FAM149A: variants seen among roughly 807,000 people sequenced by gnomAD.
FAM149A encodes the protein family with sequence similarity 149 member A.
Under a neutral mutation model 78.2 loss-of-function variants are expected in FAM149A, and 71 were observed. The observed-to-expected ratio is 0.91, with a 90% CI of 0.75 to 1.11. FAM149A has a LOEUF of 1.11. FAM149A is among the 50% of genes least tolerant of loss of function. The pLI, the probability that FAM149A is intolerant of heterozygous loss-of-function variation, is 0.00. For synonymous variants in FAM149A, 446 were observed against 410.5 expected, an observed-to-expected ratio of 1.09 and a Z score of -1.04; for missense variants, 1,036 against 971.0, an observed-to-expected ratio of 1.07 and a Z score of -0.89.
Position 186,164,692 on chromosome 4 carries a change from C to T in FAM149A, c.1890-652C>T, listed in dbSNP as rs1734884134. Among the ~76,000 whole-genome samples the T allele has an allele frequency of 6.6e-6, 1 of 152,156 alleles. No individual in the cohort carries two copies. Among genetic ancestry groups the T allele is most frequent in the African/African-American group, 2.4e-5 (1 of 41,432 alleles). ...ACATGGCAGGCTTTCTCCTCCTGCCCCAGCCTACCTGGGCCCCCTGTCACA... is the reference window on the plus strand; with the variant it reads ...ACATGGCAGGCTTTCTCCTCCTGCCTCAGCCTACCTGGGCCCCCTGTCACA... On this transcript the variant is annotated intron_variant, in intron 10 of 13. Coordinates refer to ENST00000389354, the MANE Select transcript of FAM149A (RefSeq NM_001367768.3). This position sits in a 1 kb window ranked among gnomAD's most constrained non-coding sequence, Gnocchi z 4.0.
At chr4:186,107,284 C>G (rs1360409296) in intron 1 of FAM149A, among the ~76,000 whole-genome samples, 3 of 152,168 alleles carry the variant, frequency 2.0e-5, no homozygotes, top group African/African-American at 7.2e-5. Flanking sequence ...AACATATTAG[C>G]TCATGTTTAT....
intron 1 of FAM149A, among the ~76,000 whole-genome samples, chr4:186,118,709 T>G (rs1199873486): frequency 6.6e-6 from 1 of 152,178 alleles, no homozygotes; most frequent in African/African-American, 2.4e-5. Context: ...ATTCAGATAG[T>G]ATCCTCTGAT....
intron 1 of FAM149A, chr4:186,146,441 C>T (rs1733046314): frequency 1.0e-6 from 1 of 985,144 alleles, no homozygotes. Flanking sequence ...GAAGCCTGGT[C>T]CTGGAAAGGA....
chr4:186,107,223 C>T (rs961540517), intron 1 of FAM149A, among the ~76,000 whole-genome samples: 2 of 152,182 alleles, frequency 1.3e-5, no homozygotes, highest in African/African-American at 4.8e-5. Context: ...AACAAATAGG[C>T]ACTGAAATAT....
At position 186,125,422 on chromosome 4, in the gene FAM149A, A is replaced by G. The variant is rs990635536; in HGVS notation, c.566+19780A>G. ...AGCAGCCCTAGGCAGCCCCACAAAC[A>G]CAGTAATGACGCTGCCTCTCGGGAG... On this transcript the variant is annotated intron_variant, in intron 1 of 13. Coordinates refer to ENST00000389354, the MANE Select transcript of FAM149A (RefSeq NM_001367768.3). 4.7e-5 allele frequency: 37 copies of G among 789,612 alleles called. No individual in the cohort carries two copies. The African/African-American group carries it at 6.7e-4, about 14-fold the overall frequency. The allele number at this position is 789,612 out of a possible 1,614,324, so 48.9% of individuals were successfully genotyped here.
chr4:186,150,874 G>C (rs1188530435), intron 3 of FAM149A: 2 of 165,242 alleles, frequency 1.2e-5, no homozygotes, highest in Non-Finnish European at 2.5e-5. Flanking sequence ...AGTGTGCACC[G>C]CCATGCCCAG....
chr4:186,116,588 T>C, intron 1 of FAM149A: 3 of 922,214 alleles, frequency 3.3e-6, no homozygotes, highest in Non-Finnish European at 3.7e-6. Context: ...TTTGTTGTTA[T>C]ATTTAAATTT....
At chr4:186,108,602 G>A (rs993762404) in intron 1 of FAM149A, among the ~76,000 whole-genome samples, 1 of 152,060 alleles carries the variant, frequency 6.6e-6, no homozygotes, top group Non-Finnish European at 1.5e-5. Flanking sequence ...TTGCTCCACA[G>A]GGCGTACTGA....
chr4:186,106,702 C>G (rs946354226), intron 1 of FAM149A, among the ~76,000 whole-genome samples: 2 of 152,304 alleles, frequency 1.3e-5, no homozygotes, highest in South Asian at 4.1e-4. Context: ...AATCCCAGCA[C>G]TTTGGGAGGC....
At chr4:186,152,502 G>A (rs1435082209) in intron 4 of FAM149A, among the ~76,000 whole-genome samples, 1 of 149,536 alleles carries the variant, frequency 6.7e-6, no homozygotes, top group Non-Finnish European at 1.5e-5. Flanking sequence ...TGGAGAATAT[G>A]GATTGGGTAT....
chr4:186,155,071 T>C, intron 6 of FAM149A: 1 of 324,234 alleles, frequency 3.1e-6, no homozygotes, highest in Non-Finnish European at 4.4e-6. Context: ...CACGCCATTC[T>C]CCTCCCTCAG....
In FAM149A at chr4:186,167,504, C is replaced by A. The variant is rs112605731; in HGVS notation, c.2218+242C>A. 3.3e-3 allele frequency: 1,334 copies of A among 401,318 alleles called. 21 individuals are homozygous for A. In the African/African-American group the frequency reaches 0.041, roughly 12 times the overall value. The allele number at this position is 401,318 out of a possible 1,614,324, so 24.9% of individuals were successfully genotyped here. On this transcript the variant is annotated intron_variant, in intron 13 of 13. Coordinates refer to ENST00000389354, the MANE Select transcript of FAM149A (RefSeq NM_001367768.3). ...CCAAAAGCTCTCAATGAACTGGGGG[C>A]CTCACTCAAAAAAAAAAAAAAAAAA...
At chr4:186,166,309 A>G (rs1456857395) in intron 11 of FAM149A, among the ~76,000 whole-genome samples, 3 of 152,216 alleles carry the variant, frequency 2.0e-5, no homozygotes, top group Non-Finnish European at 4.4e-5. Flanking sequence ...CCATTCCCAG[A>G]AGGCAAGAGT....
intron 13 of FAM149A, chr4:186,169,352 G>A: frequency 1.0e-6 from 1 of 985,416 alleles, no homozygotes. Context: ...GCGGCTCAAA[G>A]GCGTGACCTG....
intron 1 of FAM149A, among the ~76,000 whole-genome samples, chr4:186,148,671 A>T (rs145321193): frequency 5.8e-4 from 89 of 152,318 alleles, no homozygotes; most frequent in African/African-American, 2.1e-3. Context: ...ACAAACAGCA[A>T]TGCTAGATTA....
chr4:186,146,476 A>T (rs1733047840), intron 1 of FAM149A: 1 of 985,274 alleles, frequency 1.0e-6, no homozygotes, highest in Admixed American at 6.1e-5. Flanking sequence ...AAGAGAGATG[A>T]GTTCCTCCGT....
At position 186,149,210 on chromosome 4, in the gene FAM149A, A is replaced by G. The variant is rs1733281445; in HGVS notation, c.604A>G (p.Thr202Ala). 1 of 1,289,270 alleles carries G rather than the reference A, an allele frequency of 7.8e-7. No individual in the cohort carries two copies. The highest frequency in any genetic ancestry group is 1.0e-6 in the Non-Finnish European group (1 of 988,654). The allele number at this position is 1,289,270 out of a possible 1,614,324, so 79.9% of individuals were successfully genotyped here. A position where few individuals can be genotyped will look rare whatever the true frequency, so the allele number is the denominator to read the frequency against. ...AGAAGGACGTAGAAGGCACGGTTTT[A>G]CTGTGAGGAGCAAAGATTCTTTACC... Residue 202 changes from threonine to alanine, a missense_variant, in exon 2 of 14, where the codon ACT becomes GCT. This residue lies in a region of FAM149A where 4 missense variants were observed against 17.3 expected (regional missense o/e 0.23). Coordinates refer to ENST00000389354, the MANE Select transcript of FAM149A (RefSeq NM_001367768.3).
intron 1 of FAM149A, chr4:186,146,725 A>G: frequency 1.1e-6 from 1 of 925,104 alleles, no homozygotes; most frequent in Non-Finnish European, 1.3e-6. Context: ...CAGCTGCCCA[A>G]AGAAGAGCTG....
intron 1 of FAM149A, among the ~76,000 whole-genome samples, chr4:186,145,688 A>C (rs1389885725): frequency 6.6e-6 from 1 of 152,214 alleles, no homozygotes; most frequent in Non-Finnish European, 1.5e-5. Context: ...ACTGCACTTC[A>C]GTCCACCCTA....
Sources: gnomAD v4.1 joint callset for allele counts (sites outside exome capture counted in the v4.1 genomes callset) on GRCh38, gnomAD v4.1.1 for gene constraint, gnomAD v4.1.1 regional missense constraint, Gnocchi (gnomAD v3.1) non-coding constraint, MANE v1.5 for transcripts, NCBI Gene and HGNC (gene_info 2026-07-23, HGNC 2026-07-21) for gene names.